The following TSHZ2 variants were observed in gnomAD, a reference collection of about 807,000 sequenced individuals.
TSHZ2 encodes teashirt homolog 2.
Under a neutral mutation model 74.4 loss-of-function variants are expected in TSHZ2, and 21 were observed. The observed-to-expected ratio is 0.28, with a 90% CI of 0.20 to 0.41. The LOEUF is 0.41. TSHZ2 is among the 10% of genes least tolerant of loss of function. The pLI, the probability that TSHZ2 is intolerant of heterozygous loss-of-function variation, is 1.00. For synonymous variants in TSHZ2, 540 were observed against 515.3 expected, an observed-to-expected ratio of 1.05 and a Z score of -0.65; for missense variants, 1,244 against 1,293.5, an observed-to-expected ratio of 0.96 and a Z score of 0.59.
chr20:53,004,840 AC>A (rs1160534031), intron 1 of TSHZ2, among the ~76,000 whole-genome samples: 2 of 152,228 alleles, frequency 1.3e-5, no homozygotes, highest in Non-Finnish European at 2.9e-5. Context: ...TATGGGCTGT[AC>A]ATGAATCTTC....
At chr20:53,257,085 T>C (rs1386718104) in intron 2 of TSHZ2, among the ~76,000 whole-genome samples, 19 of 152,220 alleles carry the variant, frequency 1.2e-4, no homozygotes. Flanking sequence ...GTCTTTATGA[T>C]TGTTACTTGT....
In TSHZ2 at chr20:52,973,635, T is replaced by A. The variant is rs577356083; in HGVS notation, c.40+302T>A. Among the ~76,000 whole-genome samples the A allele has an allele frequency of 2.0e-5, 3 of 152,240 alleles. No homozygotes were observed. The South Asian group carries it at 6.2e-4, about 32-fold the overall frequency. The stretch of plus-strand genomic sequence containing the variant: ...CTGTTTCTTGCCTCTCGGGCCAAAG[T>A]CGGATTGAGGATTTGGGGTGCGGAG... On this transcript the variant is annotated intron_variant, in intron 1 of 2. Transcript: ENST00000371497.
chr20:53,155,339 T>C (rs142818099), intron 1 of TSHZ2, among the ~76,000 whole-genome samples: 272 of 152,136 alleles, frequency 1.8e-3, no homozygotes, highest in African/African-American at 6.0e-3. Flanking sequence ...TTCAGTGACC[T>C]GAGACTGGTG....
rs1464854501 is a variant in TSHZ2 at position 53,493,042 on chromosome 20, T to A, written c.*5907T>A. On this transcript the variant is annotated 3_prime_UTR_variant, in exon 3 of 3. Transcript: ENST00000371497. ...ACTAGGAAGAAAAACCAGGCTGTTT[T>A]CCCTGAGTACAATGCAGCTTGGATG... The A allele has an allele frequency of 2.0e-5, 3 of 152,246 alleles. No homozygotes were observed. The highest frequency in any genetic ancestry group is 7.2e-5 in the African/African-American group (3 of 41,470). 9.4% of individuals were successfully genotyped at this position (152,246 alleles called of 1,614,324 possible).
intron 2 of TSHZ2, among the ~76,000 whole-genome samples, chr20:53,427,692 A>G (rs1983701705): frequency 1.3e-5 from 2 of 152,220 alleles, no homozygotes; most frequent in African/African-American, 4.8e-5. Context: ...TGAAGTGAAT[A>G]GCTCTATCCA....
intron 1 of TSHZ2, among the ~76,000 whole-genome samples, chr20:53,188,835 G>A (rs1988664732): frequency 6.6e-6 from 1 of 152,056 alleles, no homozygotes; most frequent in African/African-American, 2.4e-5. Context: ...TGATTAGCAA[G>A]TACTTATATG....
At chr20:53,364,153 C>T (rs574347738) in intron 2 of TSHZ2, among the ~76,000 whole-genome samples, 4 of 152,010 alleles carry the variant, frequency 2.6e-5, no homozygotes, top group Non-Finnish European at 5.9e-5. Flanking sequence ...GTCGAGGGTT[C>T]GACTCCTTGC....
chr20:53,130,232 A>T lies in TSHZ2; in HGVS notation c.41-123267A>T, dbSNP rs960832088. ...AACTGTATCTCACAGCTAAAATTTAAAAAAAAAAAATAGAAAGAAAAGAAA... is the reference window on the plus strand; with the variant it reads ...AACTGTATCTCACAGCTAAAATTTATAAAAAAAAAATAGAAAGAAAAGAAA... On this transcript the variant is annotated intron_variant, in intron 1 of 2. Coordinates refer to ENST00000371497, the MANE Select transcript of TSHZ2 (RefSeq NM_173485.6). Among the ~76,000 whole-genome samples the T allele has an allele frequency of 5.3e-4, 13 of 24,636 alleles. 1 individual carries two copies. Among genetic ancestry groups the T allele is most frequent in the Admixed American group, 1.3e-3 (4 of 2,990 alleles). The allele number at this position is 24,636 out of a possible 152,430, so 16.2% of individuals were successfully genotyped here.
chr20:53,135,067 A>T (rs1987211522), intron 1 of TSHZ2, among the ~76,000 whole-genome samples: 1 of 151,046 alleles, frequency 6.6e-6, no homozygotes, highest in South Asian at 2.1e-4. Flanking sequence ...TTATTTTTTA[A>T]TCTATGTTTG....
chr20:53,100,892 G>A (rs902291641), intron 1 of TSHZ2, among the ~76,000 whole-genome samples: 1 of 152,114 alleles, frequency 6.6e-6, no homozygotes, highest in African/African-American at 2.4e-5. Context: ...GGCACACCCA[G>A]CATTGACAAA....
chr20:53,228,768 G>A (rs545091154), intron 1 of TSHZ2, among the ~76,000 whole-genome samples: 1 of 151,374 alleles, frequency 6.6e-6, no homozygotes, highest in Non-Finnish European at 1.5e-5. Flanking sequence ...GATGCCAGTG[G>A]CACCACCTCC....
rs566785688 is a variant in TSHZ2, at chr20:53,405,792, T to C, written c.*9-81352T>C. Among the ~76,000 whole-genome samples the C allele has an allele frequency of 1.2e-4, 19 of 152,022 alleles. No individual in the cohort carries two copies. The South Asian group carries it at 4.0e-3, about 32-fold the overall frequency. ...GGGTGGATTGCTTGAGCTCAGGAAT[T>C]CAAGACCAGCCTGGGCAACATGGCG... On this transcript the variant is annotated intron_variant, in intron 2 of 2. Coordinates refer to ENST00000371497, the MANE Select transcript of TSHZ2 (RefSeq NM_173485.6).
chr20:53,279,567 G>C (rs1991014546), intron 2 of TSHZ2, among the ~76,000 whole-genome samples: 1 of 152,106 alleles, frequency 6.6e-6, no homozygotes, highest in South Asian at 2.1e-4. Context: ...TCGTCACCCT[G>C]TTTTATTTCC....
At chr20:53,401,941 C>T (rs1272347567) in intron 2 of TSHZ2, among the ~76,000 whole-genome samples, 1 of 151,960 alleles carries the variant, frequency 6.6e-6, no homozygotes, top group Non-Finnish European at 1.5e-5. Flanking sequence ...CGCCACCATG[C>T]CTGGCTAATT....
chr20:53,038,600 A>C (rs1173847681), intron 1 of TSHZ2, among the ~76,000 whole-genome samples: 1 of 152,092 alleles, frequency 6.6e-6, no homozygotes, highest in African/African-American at 2.4e-5. Flanking sequence ...TGCCTCCCCA[A>C]GCTCTCATTC....
At chr20:53,309,912 T>C (rs761779059) in intron 2 of TSHZ2, among the ~76,000 whole-genome samples, 3 of 152,230 alleles carry the variant, frequency 2.0e-5, no homozygotes, top group Non-Finnish European at 4.4e-5. Flanking sequence ...TGAGTATGGA[T>C]AATGCTTTTA....
intron 2 of TSHZ2, chr20:53,400,984 T>C (rs1405643906): frequency 6.6e-6 from 1 of 152,224 alleles, no homozygotes; most frequent in Non-Finnish European, 1.5e-5. Context: ...GAGGGTTTCA[T>C]GCATTCAATC....
rs1990490630 is a variant in TSHZ2, at chr20:53,256,635, T to G, written c.*8+64T>G. ...AGGAGCTTTCTTACAGGGAGATGGG[T>G]CTGCTTAGAGGCAGCTAGCATCTCC... On this transcript the variant is annotated intron_variant, in intron 2 of 2. Coordinates refer to ENST00000371497, the MANE Select transcript of TSHZ2 (RefSeq NM_173485.6). This position sits in a 1 kb window ranked among gnomAD's most constrained non-coding sequence, Gnocchi z 4.3. 1 of 1,509,406 alleles carries G rather than the reference T, an allele frequency of 6.6e-7. No individual in the cohort carries two copies. Among genetic ancestry groups the G allele is most frequent in the African/African-American group, 1.4e-5 (1 of 72,010 alleles). 93.5% of individuals were successfully genotyped at this position (1,509,406 alleles called of 1,614,324 possible).
At chr20:53,214,376 G>A (rs775592061) in intron 1 of TSHZ2, among the ~76,000 whole-genome samples, 3 of 152,294 alleles carry the variant, frequency 2.0e-5, no homozygotes, top group African/African-American at 4.8e-5. Context: ...TGGAGGTGGA[G>A]GAAAGTGCAC....
Sources: gnomAD v4.1 joint callset for allele counts (sites outside exome capture counted in the v4.1 genomes callset) on GRCh38, gnomAD v4.1.1 for gene constraint, Gnocchi (gnomAD v3.1) non-coding constraint, MANE v1.5 for transcripts, NCBI Gene and HGNC (gene_info 2026-07-23, HGNC 2026-07-21) for gene names.